The following KCNIP1 variants were observed in gnomAD, a reference collection of about 807,000 sequenced individuals.
The protein encoded by KCNIP1 is potassium voltage-gated channel interacting protein 1, also known as A-type potassium channel modulatory protein KCNIP1.
In KCNIP1, 18 loss-of-function variants were observed where a neutral mutation model predicts 33.0. The ratio of observed to expected loss-of-function variants is 0.55; its 90% CI spans 0.38 to 0.81. The LOEUF (loss-of-function observed/expected upper bound fraction) is 0.81. Among genes scored for constraint, KCNIP1 ranks in the 30% least tolerant of loss-of-function variants. The probability of loss-of-function intolerance (pLI) is 0.00; values close to 1 mark genes in which losing one functional copy is unlikely to be tolerated. For missense variants in KCNIP1, 238 were observed against 271.6 expected, an observed-to-expected ratio of 0.88 and a Z score of 0.87; for synonymous variants, 93 against 98.3, an observed-to-expected ratio of 0.95 and a Z score of 0.32.
chr5:170,668,450 C>T (rs1211618333), intron 1 of KCNIP1, among the ~76,000 whole-genome samples: 1 of 152,206 alleles, frequency 6.6e-6, no homozygotes, highest in African/African-American at 2.4e-5. Context: ...TGGGCCACAG[C>T]CTCCTCCCCT....
intron 1 of KCNIP1, among the ~76,000 whole-genome samples, chr5:170,419,433 G>A (rs1283553076): frequency 1.3e-5 from 2 of 152,190 alleles, no homozygotes; most frequent in African/African-American, 4.8e-5. Flanking sequence ...TCTACCCATG[G>A]AAGAAGGAAG....
chr5:170,692,608 T>C (rs1561768295), intron 1 of KCNIP1, among the ~76,000 whole-genome samples: 1 of 152,238 alleles, frequency 6.6e-6, no homozygotes, highest in Non-Finnish European at 1.5e-5. Context: ...GTCTGAGACT[T>C]AGCTTGTCTA....
At chr5:170,619,314 A>T (rs1759515402) in intron 1 of KCNIP1, among the ~76,000 whole-genome samples, 1 of 152,282 alleles carries the variant, frequency 6.6e-6, no homozygotes, top group African/African-American at 2.4e-5. Flanking sequence ...GTCATCAGGT[A>T]TCATGACCTT....
chr5:170,599,712 G>A (rs920176780), intron 1 of KCNIP1, among the ~76,000 whole-genome samples: 4 of 151,846 alleles, frequency 2.6e-5, no homozygotes, highest in African/African-American at 9.7e-5. Flanking sequence ...ACTGGCAGAA[G>A]AGGAAGAAAC....
At chr5:170,577,668 C>T (rs928804738) in intron 1 of KCNIP1, among the ~76,000 whole-genome samples, 5 of 152,150 alleles carry the variant, frequency 3.3e-5, no homozygotes, top group Non-Finnish European at 7.3e-5. Context: ...TCGGAGACAG[C>T]GTGTGAATTT....
intron 1 of KCNIP1, among the ~76,000 whole-genome samples, chr5:170,702,684 G>A (rs967926132): frequency 1.3e-5 from 2 of 152,166 alleles, no homozygotes; most frequent in Non-Finnish European, 2.9e-5. Context: ...GACCCTTAGG[G>A]TGGTCCCTTG....
chr5:170,581,453 G>A (rs1334524970), intron 1 of KCNIP1, among the ~76,000 whole-genome samples: 4 of 152,202 alleles, frequency 2.6e-5, no homozygotes, highest in Admixed American at 6.5e-5. Context: ...TAATTCATTG[G>A]TCATGGTTTC....
chr5:170,411,125 T>C (rs1468005995), intron 1 of KCNIP1, among the ~76,000 whole-genome samples: 1 of 152,168 alleles, frequency 6.6e-6, no homozygotes, highest in African/African-American at 2.4e-5. Context: ...CCCAGACATA[T>C]CATGTGGCCA....
At chr5:170,406,604 CA>C (rs1477181733) in intron 1 of KCNIP1, among the ~76,000 whole-genome samples, 1 of 152,188 alleles carries the variant, frequency 6.6e-6, no homozygotes, top group Non-Finnish European at 1.5e-5. Context: ...AGACCTTCAG[CA>C]GGGGCCAGTA....
chr5:170,667,776 G>T (rs1761762056), intron 1 of KCNIP1, among the ~76,000 whole-genome samples: 1 of 152,198 alleles, frequency 6.6e-6, no homozygotes, highest in South Asian at 2.1e-4. Flanking sequence ...GTTCACAAAT[G>T]GAAGAACTTT....
At chr5:170,457,968 G>C (rs1173763552) in intron 1 of KCNIP1, among the ~76,000 whole-genome samples, 1 of 152,128 alleles carries the variant, frequency 6.6e-6, no homozygotes, top group Non-Finnish European at 1.5e-5. Flanking sequence ...TGAAGGGAGA[G>C]ATTTTCAATG....
At chr5:170,406,367 C>G (rs1158669331) in intron 1 of KCNIP1, among the ~76,000 whole-genome samples, 1 of 152,218 alleles carries the variant, frequency 6.6e-6, no homozygotes, top group Non-Finnish European at 1.5e-5. Flanking sequence ...GTTCAACACA[C>G]TCAGCCTCAA....
intron 1 of KCNIP1, among the ~76,000 whole-genome samples, chr5:170,544,029 G>A (rs10035859): frequency 0.23 from 35,258 of 152,092 alleles, 6,471 homozygotes; most frequent in African/African-American, 0.51. Context: ...TCATTCGTAA[G>A]TATTTTTGTG....
chr5:170,618,762 G>A lies in KCNIP1; in HGVS notation c.62-99996G>A, dbSNP rs186533845. ...TGGGAATGATGATTTGACATCTGGT[G>A]TGTCTCTCACTACTGTTGAGACATT... On this transcript the variant is annotated intron_variant, in intron 1 of 7. Coordinates refer to ENST00000328939, the MANE Select transcript of KCNIP1 (RefSeq NM_014592.4). 1.1e-3 allele frequency among the ~76,000 whole-genome samples: 168 copies of A among 152,280 alleles called. 1 individual carries two copies. Among genetic ancestry groups the A allele is most frequent in the African/African-American group, 3.9e-3 (163 of 41,548 alleles).
intron 1 of KCNIP1, among the ~76,000 whole-genome samples, chr5:170,438,323 C>T (rs1395182040): frequency 6.6e-6 from 1 of 152,172 alleles, no homozygotes; most frequent in African/African-American, 2.4e-5. Flanking sequence ...GAGCTCAGAG[C>T]AGGGCCCACT....
intron 2 of KCNIP1, 41 bp from the exon 3 acceptor site, chr5:170,720,280 G>T: frequency 6.9e-7 from 1 of 1,443,998 alleles, no homozygotes; most frequent in Non-Finnish European, 9.7e-7. Flanking sequence ...CCTAGTGCTG[G>T]CCCTCAAATG....
chr5:170,615,088 G>A (rs138655608), intron 1 of KCNIP1, among the ~76,000 whole-genome samples: 12 of 152,274 alleles, frequency 7.9e-5, no homozygotes, highest in African/African-American at 2.4e-4. Flanking sequence ...GGTGGTAGGC[G>A]CCTGTAATCC....
At chr5:170,633,714 G>GAGGGGGC (rs1491467545) in intron 1 of KCNIP1, among the ~76,000 whole-genome samples, 10 of 22,542 alleles carry the variant, frequency 4.4e-4, no homozygotes, top group Admixed American at 1.6e-3. Flanking sequence ...GCGAGGGGGC[G>GAGGGGGC]GGGGGGCGGA....
chr5:170,695,718 G>T (rs1581511601), intron 1 of KCNIP1, among the ~76,000 whole-genome samples: 1 of 152,132 alleles, frequency 6.6e-6, no homozygotes, highest in East Asian at 1.9e-4. Context: ...CAGGTGAATG[G>T]TCCACACAGT....
Sources: gnomAD v4.1 joint callset for allele counts (sites outside exome capture counted in the v4.1 genomes callset) on GRCh38, gnomAD v4.1.1 for gene constraint, MANE v1.5 for transcripts, NCBI Gene and HGNC (gene_info 2026-07-23, HGNC 2026-07-21) for gene names.